SLC14A2: variants seen among roughly 807,000 people sequenced by gnomAD.
The protein encoded by SLC14A2 is urea transporter 2.
Under a neutral mutation model 104.6 loss-of-function variants are expected in SLC14A2, and 91 were observed. That is an observed-to-expected ratio of 0.87 (90% CI 0.73 to 1.04). SLC14A2 has a LOEUF of 1.04. Among genes scored for constraint, SLC14A2 ranks in the 50% least tolerant of loss-of-function variants. The pLI is 0.00. For synonymous variants in SLC14A2, 476 were observed against 466.4 expected (o/e 1.02, Z -0.27); for missense variants, 1,189 against 1,156.0 (o/e 1.03, Z -0.41).
At chr18:45,438,600 A>G (rs1376023354) in intron 1 of SLC14A2, among the ~76,000 whole-genome samples, 2 of 152,254 alleles carry the variant, frequency 1.3e-5, no homozygotes, top group Non-Finnish European at 2.9e-5. Context: ...GCAACTGTTT[A>G]AAACAAACCT....
intron 10 of SLC14A2, among the ~76,000 whole-genome samples, chr18:45,652,636 C>T (rs1052160001): frequency 6.6e-6 from 1 of 152,204 alleles, no homozygotes; most frequent in African/African-American, 2.4e-5. Context: ...AAGGAAGCCA[C>T]GAGCATTGTG....
chr18:45,681,849 G>A (rs1434636085), intron 19 of SLC14A2, among the ~76,000 whole-genome samples: 2 of 152,208 alleles, frequency 1.3e-5, no homozygotes, highest in Non-Finnish European at 2.9e-5. Flanking sequence ...CCTATAGGAA[G>A]CAGTGTTTGA....
At chr18:45,339,742 G>T (rs2085374862) in intron 1 of SLC14A2, among the ~76,000 whole-genome samples, 1 of 152,218 alleles carries the variant, frequency 6.6e-6, no homozygotes, top group African/African-American at 2.4e-5. Flanking sequence ...GTTTTTGGCA[G>T]ATTGGTGATG....
At chr18:45,585,791 T>G (rs904762352) in intron 2 of SLC14A2, among the ~76,000 whole-genome samples, 3 of 152,190 alleles carry the variant, frequency 2.0e-5, no homozygotes, top group African/African-American at 4.8e-5. Flanking sequence ...TCCCTCTGCA[T>G]GAGCCACTCT....
intron 1 of SLC14A2, among the ~76,000 whole-genome samples, chr18:45,466,664 C>T (rs1045392178): frequency 3.3e-5 from 5 of 149,822 alleles, no homozygotes; most frequent in Non-Finnish European, 5.9e-5. Context: ...GTTCTTTGAA[C>T]AAGTAGGGTA....
At chr18:45,295,853 C>T (rs750535455) in intron 1 of SLC14A2, among the ~76,000 whole-genome samples, 24 of 152,036 alleles carry the variant, frequency 1.6e-4, no homozygotes, top group Non-Finnish European at 2.6e-4. Flanking sequence ...TTTAGCTATA[C>T]GACTGCATTA....
intron 1 of SLC14A2, among the ~76,000 whole-genome samples, chr18:45,354,643 G>A (rs1285504147): frequency 6.6e-6 from 1 of 152,208 alleles, no homozygotes; most frequent in African/African-American, 2.4e-5. Flanking sequence ...GGGTCAGCTT[G>A]TATATGTCTT....
chr18:45,461,296 A>G (rs1026748795), intron 1 of SLC14A2, among the ~76,000 whole-genome samples: 5 of 152,300 alleles, frequency 3.3e-5, no homozygotes, highest in East Asian at 1.9e-4. Context: ...CCTTTCAGAG[A>G]TACTCCTTTG....
At chr18:45,366,402 C>A (rs1428202093) in intron 1 of SLC14A2, among the ~76,000 whole-genome samples, 2 of 152,146 alleles carry the variant, frequency 1.3e-5, no homozygotes, top group Non-Finnish European at 2.9e-5. Flanking sequence ...AGGCATGTGA[C>A]AATCAGAGAG....
chr18:45,648,598 C>T (rs908857470), intron 10 of SLC14A2, among the ~76,000 whole-genome samples: 11 of 152,010 alleles, frequency 7.2e-5, no homozygotes, highest in Admixed American at 5.9e-4. Context: ...TTTGTTTTAA[C>T]CTTCATCATT....
At chr18:45,384,971 C>A (rs2085878837) in intron 1 of SLC14A2, among the ~76,000 whole-genome samples, 1 of 152,196 alleles carries the variant, frequency 6.6e-6, no homozygotes, top group Admixed American at 6.5e-5. Flanking sequence ...TTTTAAGCTT[C>A]TCCTGCCTTT....
chr18:45,214,842 A>C (rs914621519), intron 1 of SLC14A2, among the ~76,000 whole-genome samples: 10 of 150,414 alleles, frequency 6.6e-5, no homozygotes, highest in Non-Finnish European at 1.5e-4. Flanking sequence ...CAGACTAGGT[A>C]CTGGGAATAA....
chr18:45,446,769 T>C (rs755756340), intron 1 of SLC14A2, among the ~76,000 whole-genome samples: 3 of 152,096 alleles, frequency 2.0e-5, no homozygotes, highest in Non-Finnish European at 2.9e-5. Context: ...CTGAAATGAA[T>C]AGGGGGTTAG....
At chr18:45,495,906 A>G (rs1598915636) in intron 2 of SLC14A2, among the ~76,000 whole-genome samples, 1 of 151,930 alleles carries the variant, frequency 6.6e-6, no homozygotes, top group Non-Finnish European at 1.5e-5. Flanking sequence ...GCAAGCGCCA[A>G]CTCCCAGGTC....
At chr18:45,452,419 A>C (rs1379342141) in intron 1 of SLC14A2, among the ~76,000 whole-genome samples, 1 of 152,150 alleles carries the variant, frequency 6.6e-6, no homozygotes, top group Non-Finnish European at 1.5e-5. Flanking sequence ...TATGTCCTTC[A>C]TCCATTGTTT....
chr18:45,191,175 A>C, the SLC14A2 span, among the ~76,000 whole-genome samples: 1 of 152,006 alleles, frequency 6.6e-6, no homozygotes, highest in South Asian at 2.1e-4. Flanking sequence ...CCTCTCCCCC[A>C]ATAGACTAAG....
chr18:45,484,983 A>C (rs1457535074), intron 2 of SLC14A2, among the ~76,000 whole-genome samples: 1 of 152,200 alleles, frequency 6.6e-6, no homozygotes, highest in Non-Finnish European at 1.5e-5. Flanking sequence ...GTTTCTTGTA[A>C]TATCATTGTT....
At chr18:45,234,470 T>C (rs1288580278) in intron 1 of SLC14A2, among the ~76,000 whole-genome samples, 1 of 152,238 alleles carries the variant, frequency 6.6e-6, no homozygotes, top group Non-Finnish European at 1.5e-5. Flanking sequence ...AGTGAACTCC[T>C]TTAGTTGACA....
chr18:45,382,461 T>G (rs2085849559), intron 1 of SLC14A2, among the ~76,000 whole-genome samples: 2 of 152,206 alleles, frequency 1.3e-5, no homozygotes, highest in South Asian at 4.1e-4. Context: ...TATGTTAGCA[T>G]TAGTCTCCAT....
Sources: gnomAD v4.1 joint callset for allele counts (sites outside exome capture counted in the v4.1 genomes callset) on GRCh38, gnomAD v4.1.1 for gene constraint, MANE v1.5 for transcripts, NCBI Gene and HGNC (gene_info 2026-07-23, HGNC 2026-07-21) for gene names.